Variants in DLGAP1 observed in about 807,000 individuals in gnomAD.
DLGAP1 encodes disks large-associated protein 1.
Under a neutral mutation model 90.8 loss-of-function variants are expected in DLGAP1, and 11 were observed. That is an observed-to-expected ratio of 0.12 (90% CI 0.08 to 0.20). DLGAP1 has a LOEUF of 0.20. Ranked by LOEUF, DLGAP1 falls within the 10% of genes least tolerant of loss-of-function variation. DLGAP1 has a pLI of 1.00. For missense variants in DLGAP1, 1,050 were observed against 1,333.8 expected (o/e 0.79, Z 3.31); for synonymous variants, 558 against 540.7 (o/e 1.03, Z -0.44).
chr18:3,780,430 G>A (rs1474715179), intron 5 of DLGAP1, among the ~76,000 whole-genome samples: 1 of 152,136 alleles, frequency 6.6e-6, no homozygotes, highest in Non-Finnish European at 1.5e-5. Context: ...CTCTTTCCTT[G>A]CCTTTTCCAG....
chr18:3,547,494 G>T (rs1401264060), intron 9 of DLGAP1, among the ~76,000 whole-genome samples: 1 of 151,442 alleles, frequency 6.6e-6, no homozygotes, highest in Admixed American at 6.6e-5. Flanking sequence ...GATAAAAATG[G>T]CCAATAGAGA....
chr18:4,035,862 C>T (rs76049759), intron 2 of DLGAP1, among the ~76,000 whole-genome samples: 1,581 of 152,258 alleles, frequency 0.01, 33 homozygotes, highest in African/African-American at 0.037. Flanking sequence ...TCTGTTCTAT[C>T]TTGAAAGTTC....
intron 1 of DLGAP1, among the ~76,000 whole-genome samples, chr18:4,310,350 T>G (rs866994493): frequency 1.9e-4 from 29 of 152,216 alleles, no homozygotes; most frequent in Admixed American, 4.6e-4. Flanking sequence ...TGTGTTGTTT[T>G]GAAACACAAA....
intron 1 of DLGAP1, among the ~76,000 whole-genome samples, chr18:4,196,682 A>G (rs1276552781): frequency 6.6e-6 from 1 of 152,214 alleles, no homozygotes; most frequent in Non-Finnish European, 1.5e-5. Flanking sequence ...TGTGCGGTGC[A>G]TAGATTCTGT....
rs765751638 is a variant in DLGAP1, at chr18:3,880,105, C to T, written c.-37G>A. The T allele has an allele frequency of 7.6e-6, 12 of 1,584,312 alleles. No homozygotes were observed. The African/African-American group carries it at 8.0e-5, about 11-fold the overall frequency. ...AGCAGCCGCCAGGGTCATGGACACC[C>T]GGAAGTCAGGCTCCAGACCCGTCTT... is the stretch of plus-strand genomic sequence containing the variant. On this transcript the variant is annotated 5_prime_UTR_variant, in exon 4 of 13. Transcript: ENST00000315677.
chr18:3,762,524 A>G (rs1471088906), intron 5 of DLGAP1, among the ~76,000 whole-genome samples: 1 of 151,542 alleles, frequency 6.6e-6, no homozygotes, highest in Non-Finnish European at 1.5e-5. Context: ...ATTTTGATAG[A>G]TTTTTTTTTC....
intron 5 of DLGAP1, among the ~76,000 whole-genome samples, chr18:3,805,055 C>T (rs1057064485): frequency 1.3e-5 from 2 of 152,206 alleles, no homozygotes; most frequent in East Asian, 3.8e-4. Flanking sequence ...GGAATCCTGA[C>T]TACTATAATA....
At chr18:3,645,858 G>T (rs1174601546) in intron 7 of DLGAP1, among the ~76,000 whole-genome samples, 1 of 152,168 alleles carries the variant, frequency 6.6e-6, no homozygotes, top group African/African-American at 2.4e-5. Context: ...CTTTATTCAT[G>T]AGTTTTGTCA....
chr18:4,191,097 G>A (rs569023923), intron 1 of DLGAP1, among the ~76,000 whole-genome samples: 158 of 152,104 alleles, frequency 1.0e-3, no homozygotes, highest in Middle Eastern at 3.4e-3. Flanking sequence ...ATTCATGGAC[G>A]TATACCTGAA....
At chr18:4,016,333 C>T (rs1172849991) in intron 2 of DLGAP1, among the ~76,000 whole-genome samples, 1 of 152,216 alleles carries the variant, frequency 6.6e-6, no homozygotes, top group Admixed American at 6.5e-5. Flanking sequence ...GGTGAGCGGC[C>T]TCACCTGTTA....
At chr18:4,079,484 TG>T (rs2075573495) in intron 2 of DLGAP1, among the ~76,000 whole-genome samples, 1 of 151,968 alleles carries the variant, frequency 6.6e-6, no homozygotes, top group African/African-American at 2.4e-5. Flanking sequence ...AGCTAAGCTA[TG>T]GGTACACAAA....
intron 5 of DLGAP1, among the ~76,000 whole-genome samples, chr18:3,744,239 T>G (rs1255724440): frequency 6.6e-6 from 1 of 152,114 alleles, no homozygotes; most frequent in Non-Finnish European, 1.5e-5. Flanking sequence ...TGAAAAACCA[T>G]GAGAACTTTT....
intron 3 of DLGAP1, among the ~76,000 whole-genome samples, chr18:3,942,950 C>A (rs544723993): frequency 6.6e-6 from 1 of 150,954 alleles, no homozygotes; most frequent in Non-Finnish European, 1.5e-5. Flanking sequence ...GGATGATAAT[C>A]AGAACCAGCA....
At chr18:4,364,246 G>C (rs2081702928) in intron 1 of DLGAP1, among the ~76,000 whole-genome samples, 1 of 123,398 alleles carries the variant, frequency 8.1e-6, no homozygotes, top group Non-Finnish European at 1.7e-5. Context: ...TCACACTCTG[G>C]GGACTGTTGT....
intron 5 of DLGAP1, among the ~76,000 whole-genome samples, chr18:3,803,968 A>C (rs2066437457): frequency 1.7e-5 from 1 of 57,862 alleles, no homozygotes; most frequent in Admixed American, 1.9e-4. Context: ...ATATATATAT[A>C]TATATATATA....
chr18:4,089,036 C>G (rs1002514824), intron 2 of DLGAP1, among the ~76,000 whole-genome samples: 1 of 152,142 alleles, frequency 6.6e-6, no homozygotes, highest in African/African-American at 2.4e-5. Flanking sequence ...ATAACATGAT[C>G]CTATATCTAG....
At position 4,189,550 on chromosome 18, in the gene DLGAP1, T is replaced by C. The variant is rs112232927; in HGVS notation, c.-266-38263A>G. Among the ~76,000 whole-genome samples the C allele has an allele frequency of 7.5e-3, 1,143 of 152,070 alleles. 13 individuals are homozygous for C. Among genetic ancestry groups the C allele is most frequent in the Non-Finnish European group, 0.011 (725 of 67,970 alleles). On this transcript the variant is annotated intron_variant, in intron 1 of 12. Coordinates refer to ENST00000315677, the MANE Select transcript of DLGAP1 (RefSeq NM_004746.4). ...TAAGATGCCAGTTTCCCCAGCTCAA[T>C]CAACAGATTCAATGCAATCCCAATC...
At chr18:4,293,798 A>T (rs1371698077) in intron 1 of DLGAP1, 1 of 151,942 alleles carries the variant, frequency 6.6e-6, no homozygotes, top group East Asian at 1.9e-4. Context: ...CTGTCCCCAT[A>T]CTCCTTCCTC....
chr18:4,390,426 T>C (rs1374776356), intron 1 of DLGAP1, among the ~76,000 whole-genome samples: 3 of 152,022 alleles, frequency 2.0e-5, no homozygotes, highest in Non-Finnish European at 4.4e-5. Context: ...TTGCACATTC[T>C]ACGAGCTTTG....
Sources: gnomAD v4.1 joint callset for allele counts (sites outside exome capture counted in the v4.1 genomes callset) on GRCh38, gnomAD v4.1.1 for gene constraint, MANE v1.5 for transcripts, NCBI Gene and HGNC (gene_info 2026-07-23, HGNC 2026-07-21) for gene names.